Variants in PTCH1 observed in about 807,000 individuals in gnomAD.
PTCH1 encodes patched 1, also known as protein patched homolog 1.
A neutral mutation model predicts 144.6 loss-of-function variants in PTCH1; 14 were observed. The ratio of observed to expected loss-of-function variants is 0.10; its 90% CI spans 0.06 to 0.15. The LOEUF (loss-of-function observed/expected upper bound fraction) is 0.15. Ranked by LOEUF, PTCH1 falls within the 10% of genes least tolerant of loss-of-function variation. The pLI is 1.00. For synonymous variants in PTCH1, 833 were observed against 793.6 expected, an observed-to-expected ratio of 1.05 and a Z score of -0.83; for missense variants, 1,623 against 1,948.3, an observed-to-expected ratio of 0.83 and a Z score of 3.14.
intron 2 of PTCH1, among the ~76,000 whole-genome samples, chr9:95,501,317 G>C (rs1311846557): frequency 6.6e-6 from 1 of 151,974 alleles, no homozygotes; most frequent in Admixed American, 6.6e-5. Context: ...ATAGTGCACA[G>C]AACAGCCCCC....
At chr9:95,472,102 A>G (rs550604243) in intron 12 of PTCH1, among the ~76,000 whole-genome samples, 1 of 139,842 alleles carries the variant, frequency 7.2e-6, no homozygotes, top group African/African-American at 3.3e-5. Flanking sequence ...TGTGAAAAAA[A>G]CACAGAGTGT....
At chr9:95,514,173 T>G (rs1005870557), upstream of PTCH1, 1 of 152,366 alleles carries the variant, frequency 6.6e-6, no homozygotes, top group African/African-American at 2.4e-5. Flanking sequence ...GAGCCTACTA[T>G]GAACTTGAAA....
At chr9:95,484,931 C>G (rs1289063978) in intron 3 of PTCH1, among the ~76,000 whole-genome samples, 1 of 152,210 alleles carries the variant, frequency 6.6e-6, no homozygotes, top group African/African-American at 2.4e-5. Context: ...GCGGGCCAGG[C>G]ATGGTGGCTC....
At position 95,515,842 on chromosome 9, in the gene PTCH1, A is replaced by G. The variant is rs566041357; in HGVS notation, c.3+627T>C. On this transcript the variant is annotated intron_variant, in intron 1 of 22. Transcript: ENST00000430669. ...CGCAGCATGGGAGGGGAGGTGGGTA[A>G]GGTGCGTCTCTTCTAGCCCGGGTGT... Among the ~76,000 whole-genome samples, 23 of 152,232 alleles carry G rather than the reference A, an allele frequency of 1.5e-4. No individual in the cohort carries two copies. In the South Asian group the frequency reaches 4.6e-3, roughly 30 times the overall value.
intron 2 of PTCH1, among the ~76,000 whole-genome samples, chr9:95,493,956 G>C (rs978734390): frequency 3.3e-5 from 5 of 152,042 alleles, no homozygotes; most frequent in Non-Finnish European, 7.4e-5. Context: ...GTGCCCCTGC[G>C]TGTTGCCATG....
At chr9:95,507,896 G>A (rs1431978794) in intron 1 of PTCH1, 5 of 1,289,174 alleles carry the variant, frequency 3.9e-6, no homozygotes, top group African/African-American at 1.7e-5. Context: ...ACCAGGGAGG[G>A]CGTGTGTATA....
At chr9:95,474,252 A>G (rs1050339647) in intron 12 of PTCH1, 3 of 319,184 alleles carry the variant, frequency 9.4e-6, no homozygotes, top group Non-Finnish European at 1.9e-5. Flanking sequence ...GGGAGAGGAG[A>G]GAGAATGGGC....
chr9:95,504,533 G>A (rs866929025), intron 2 of PTCH1, among the ~76,000 whole-genome samples: 1 of 152,174 alleles, frequency 6.6e-6, no homozygotes, highest in Non-Finnish European at 1.5e-5. Flanking sequence ...GGATCAAGTG[G>A]TGGATGAGCC....
intron 1 of PTCH1, chr9:95,507,914 A>ACACG (rs1843843804): frequency 7.2e-7 from 1 of 1,380,740 alleles, no homozygotes; most frequent in Non-Finnish European, 9.5e-7. Flanking sequence ...ATACACACAC[A>ACACG]CACACGCACA....
At chr9:95,463,512 A>G (rs1389511530) in intron 15 of PTCH1, among the ~76,000 whole-genome samples, 1 of 152,184 alleles carries the variant, frequency 6.6e-6, no homozygotes, top group Non-Finnish European at 1.5e-5. Context: ...GAAAAACAAT[A>G]AACAGCAGAA....
At chr9:95,516,057 G>A (rs1564098028) in intron 1 of PTCH1, among the ~76,000 whole-genome samples, 1 of 152,024 alleles carries the variant, frequency 6.6e-6, no homozygotes, top group Non-Finnish European at 1.5e-5. Context: ...CTCCGCTGGC[G>A]AGTCAGTAGC....
chr9:95,494,200 G>A, intron 2 of PTCH1: 6 of 985,426 alleles, frequency 6.1e-6, no homozygotes, highest in Non-Finnish European at 7.2e-6. Flanking sequence ...GCTGCTGGCA[G>A]TGCCATCTGT....
intron 2 of PTCH1, among the ~76,000 whole-genome samples, chr9:95,487,995 T>C (rs1842100638): frequency 2.6e-5 from 4 of 152,206 alleles, no homozygotes; most frequent in South Asian, 2.1e-4. Context: ...GCCTGTTAAC[T>C]ATATAATCCT....
Position 95,467,069 on chromosome 9 carries a change from G to A in PTCH1, c.2560+47C>T, listed in dbSNP as rs200999691. ...CATGACAAAGGAACCTGTTGAAGCT[G>A]AACACGCAAAAGACCGAAAGGACGA... On this transcript the variant is annotated intron_variant, in intron 15 of 23. Transcript: ENST00000331920. The A allele has an allele frequency of 8.8e-6, 14 of 1,582,610 alleles. No individual in the cohort carries two copies. In the Admixed American group the frequency reaches 2.2e-4, roughly 25 times the overall value.
intron 15 of PTCH1, among the ~76,000 whole-genome samples, chr9:95,466,803 C>T (rs908583363): frequency 4.6e-5 from 7 of 152,180 alleles, no homozygotes; most frequent in East Asian, 3.8e-4. Flanking sequence ...AACTAGCCAC[C>T]GTCTATCCAA....
At chr9:95,496,814 C>A (rs532916389) in intron 2 of PTCH1, among the ~76,000 whole-genome samples, 3 of 151,388 alleles carry the variant, frequency 2.0e-5, no homozygotes, top group African/African-American at 7.3e-5. Flanking sequence ...AGGAAAAATT[C>A]TTTTGTTATT....
chr9:95,467,838 C>G (rs1840156675), intron 14 of PTCH1, among the ~76,000 whole-genome samples: 1 of 152,108 alleles, frequency 6.6e-6, no homozygotes, highest in African/African-American at 2.4e-5. Flanking sequence ...AACTCCTGAC[C>G]TCAGGTGATC....
intron 2 of PTCH1, among the ~76,000 whole-genome samples, chr9:95,489,513 T>C (rs1028110943): frequency 4.6e-5 from 7 of 152,082 alleles, no homozygotes; most frequent in Non-Finnish European, 7.4e-5. Flanking sequence ...CATGCCCAGC[T>C]AACTTTTCAT....
Position 95,458,297 on chromosome 9 carries a change from G to A in PTCH1, c.2888-4C>T, listed in dbSNP as rs1411872086. ...TCGATGGGCTCTGCTGCCGGGACTG[G>A]ACAGAGAAGGGCACAGGTTAGGAGC... On this transcript the variant is annotated splice_polypyrimidine_tract_variant and splice_region_variant and intron_variant, in intron 17 of 23. Transcript: ENST00000331920. The surrounding 1 kb of genome is among the most constrained non-coding windows in gnomAD (Gnocchi z 4.7). 6.2e-7 allele frequency: 1 copy of A among 1,613,440 alleles called. No homozygotes were observed. Among genetic ancestry groups the A allele is most frequent in the Non-Finnish European group, 8.5e-7 (1 of 1,179,890 alleles).
Sources: gnomAD v4.1 joint callset for allele counts (sites outside exome capture counted in the v4.1 genomes callset) on GRCh38, gnomAD v4.1.1 for gene constraint, Gnocchi (gnomAD v3.1) non-coding constraint, MANE v1.5 for transcripts, NCBI Gene and HGNC (gene_info 2026-07-23, HGNC 2026-07-21) for gene names.